The following MBP variants were observed in gnomAD, a reference collection of about 807,000 sequenced individuals.
MBP encodes myelin basic protein, also known as Golli-MBP.
In MBP, 16 loss-of-function variants were observed where a neutral mutation model predicts 35.8. The ratio of observed to expected loss-of-function variants is 0.45; its 90% CI spans 0.30 to 0.68. The LOEUF is 0.68. Among genes scored for constraint, MBP ranks in the 30% least tolerant of loss-of-function variants. The pLI is 0.08. For missense variants in MBP, 380 were observed against 404.7 expected (o/e 0.94, Z 0.52); for synonymous variants, 143 against 159.6 (o/e 0.90, Z 0.78).
At chr18:76,985,081 T>C (rs982765948) in intron 7 of MBP, 187 bp from the exon 8 acceptor site, 22 of 1,509,870 alleles carry the variant, frequency 1.5e-5, no homozygotes, top group Non-Finnish European at 2.0e-5. Context: ...CTCCCCCAGG[T>C]CTACCAGGGT....
At chr18:77,035,369 A>AT (rs1972719156) in intron 3 of MBP, among the ~76,000 whole-genome samples, 1 of 152,180 alleles carries the variant, frequency 6.6e-6, no homozygotes, top group Admixed American at 6.5e-5. Flanking sequence ...TGCCCAGTAG[A>AT]TGTCCACTAA....
intron 4 of MBP, chr18:77,016,492 A>G (rs1276758886): frequency 3.5e-6 from 4 of 1,148,726 alleles, no homozygotes; most frequent in Non-Finnish European, 4.3e-6. Context: ...TCAAGTCCGC[A>G]AGCACACACC....
rs776587238 is a variant in MBP, at chr18:77,017,111, G to C, written c.297C>G (p.Ala99=). ...TGAAGGTGTTGTCCTCCCTCCCCGG[G>C]GCATCTCGGGAAAAGAGGCGGATCA... ...PHLIRLFSRD[A]PGREDNTFKD... Residue 99 remains alanine (A), a synonymous_variant, in exon 4 of 9, where the codon GCC becomes GCG. Transcript: ENST00000355994. The C allele has an allele frequency of 2.5e-5, 40 of 1,592,050 alleles. No homozygotes were observed. Among genetic ancestry groups the C allele is most frequent in the Non-Finnish European group, 3.3e-5 (38 of 1,165,440 alleles).
rs1288669569 is a variant in MBP, at chr18:76,985,438, G to T, written c.751-544C>A. On this transcript the variant is annotated intron_variant, in intron 7 of 8. Transcript: ENST00000355994. ...CTGTGGTTCTAGGATCTGTCTGGGA[G>T]ATCAAGAGTCCTCGGCCTTAGTAAA... is the stretch of plus-strand genomic sequence containing the variant. The T allele has an allele frequency of 5.8e-6, 7 of 1,197,576 alleles. No individual in the cohort carries two copies. In the Admixed American group the frequency reaches 2.1e-4, roughly 36 times the overall value. The allele number at this position is 1,197,576 out of a possible 1,614,324, so 74.2% of individuals were successfully genotyped here. A position where few individuals can be genotyped will look rare whatever the true frequency, so the allele number is the denominator to read the frequency against.
chr18:77,106,900 A>G (rs1047287064), intron 1 of MBP, among the ~76,000 whole-genome samples: 2 of 152,204 alleles, frequency 1.3e-5, no homozygotes, highest in East Asian at 3.8e-4. Context: ...TCATTGGGAA[A>G]TGAGGGTTTG....
At chr18:77,112,417 T>C (rs985343802) in intron 1 of MBP, among the ~76,000 whole-genome samples, 3 of 152,202 alleles carry the variant, frequency 2.0e-5, no homozygotes, top group African/African-American at 7.2e-5. Flanking sequence ...AGAACGCCAC[T>C]GACGCTGGGT....
At chr18:76,985,434 G>C (rs1969494332) in intron 7 of MBP, 11 of 1,200,026 alleles carry the variant, frequency 9.2e-6, no homozygotes, top group Non-Finnish European at 1.2e-5. Flanking sequence ...GGATCTGTCT[G>C]GGAGATCAAG....
At chr18:77,023,412 A>G (rs761393283) in intron 3 of MBP, among the ~76,000 whole-genome samples, 3 of 151,872 alleles carry the variant, frequency 2.0e-5, no homozygotes, top group Non-Finnish European at 4.4e-5. Flanking sequence ...CTTTTGGACT[A>G]TTTCTTATGT....
chr18:77,068,907 G>A (rs1344113401), intron 2 of MBP: 1 of 456,268 alleles, frequency 2.2e-6, no homozygotes, highest in Non-Finnish European at 4.4e-6. Context: ...TCTTTGGGAG[G>A]ACAAAGAGCA....
chr18:77,077,882 G>T (rs1974726714), intron 2 of MBP, among the ~76,000 whole-genome samples: 1 of 152,246 alleles, frequency 6.6e-6, no homozygotes, highest in African/African-American at 2.4e-5. Flanking sequence ...AATTCGGGGA[G>T]AGTGCAGGTC....
chr18:77,036,473 G>A (rs1317940004), intron 3 of MBP, among the ~76,000 whole-genome samples: 1 of 124,536 alleles, frequency 8.0e-6, no homozygotes, highest in Admixed American at 7.8e-5. Context: ...GTCACATTTT[G>A]GAGGACTGAG....
At chr18:77,082,042 C>G (rs71360991) in intron 2 of MBP, among the ~76,000 whole-genome samples, 3 of 150,288 alleles carry the variant, frequency 2.0e-5, no homozygotes, top group Non-Finnish European at 3.0e-5. Flanking sequence ...TTAGTAGAGA[C>G]GGGGTTTCAC....
Position 76,989,516 on chromosome 18 carries a change from G to A in MBP, c.681+440C>T, listed in dbSNP as rs997852171. ...TTAGGGCTCTCTCGGTGCTGTGCAC[G>A]CTGTGGGTTTGGACAAGTGCGTGGT... On this transcript the variant is annotated intron_variant, in intron 5 of 8. Transcript: ENST00000355994. This position sits in a 1 kb window ranked among gnomAD's most constrained non-coding sequence, Gnocchi z 4.0. Among the ~76,000 whole-genome samples, 4 of 152,250 alleles carry A rather than the reference G, an allele frequency of 2.6e-5. No individual in the cohort carries two copies. The highest frequency in any genetic ancestry group is 9.6e-5 in the African/African-American group (4 of 41,520).
At chr18:77,092,068 A>T (rs562573880) in intron 2 of MBP, among the ~76,000 whole-genome samples, 3 of 152,274 alleles carry the variant, frequency 2.0e-5, no homozygotes, top group Admixed American at 6.5e-5. Context: ...AATATAAAAA[A>T]GTTCTTTCCT....
At chr18:77,026,521 A>G (rs1292935374) in intron 3 of MBP, among the ~76,000 whole-genome samples, 1 of 152,194 alleles carries the variant, frequency 6.6e-6, no homozygotes. Flanking sequence ...TTTTCACTAC[A>G]ATTAATTAAA....
At chr18:77,054,785 G>A (rs867291760) in intron 3 of MBP, among the ~76,000 whole-genome samples, 21 of 152,220 alleles carry the variant, frequency 1.4e-4, no homozygotes, top group African/African-American at 4.3e-4. Flanking sequence ...TCCTGTTAGC[G>A]GCGGGTGACG....
At chr18:76,982,701 C>A (rs1969277241) in intron 8 of MBP, 3 of 152,194 alleles carry the variant, frequency 2.0e-5, no homozygotes, top group Non-Finnish European at 4.4e-5. Flanking sequence ...TCCCTGTCCT[C>A]TCCATCTGCC....
chr18:77,043,660 C>T (rs1483025595), intron 3 of MBP, among the ~76,000 whole-genome samples: 2 of 152,218 alleles, frequency 1.3e-5, no homozygotes, highest in Admixed American at 6.5e-5. Context: ...CTAGAAATGG[C>T]TTCATTTGGG....
chr18:76,981,926 C>T (rs944727484), intron 8 of MBP: 1 of 152,246 alleles, frequency 6.6e-6, no homozygotes, highest in East Asian at 1.9e-4. Flanking sequence ...TCCTATGAAA[C>T]AAAGTGCTTC....
Sources: allele counts gnomAD v4.1 joint callset (sites outside exome capture counted in the v4.1 genomes callset), GRCh38; gene constraint gnomAD v4.1.1; non-coding constraint Gnocchi (gnomAD v3.1); transcripts MANE v1.5; gene names NCBI Gene and HGNC (gene_info 2026-07-23, HGNC 2026-07-21).